The following SON variants were observed in gnomAD, a reference collection of about 807,000 sequenced individuals.
SON encodes SON DNA and RNA binding protein.
Under a neutral mutation model 173.3 loss-of-function variants are expected in SON, and 4 were observed. The observed-to-expected ratio is 0.02, with a 90% CI of 0.01 to 0.05. The LOEUF (loss-of-function observed/expected upper bound fraction) is 0.05, where lower values mean the gene tolerates loss of function less well. Among genes scored for constraint, SON ranks in the 10% least tolerant of loss-of-function variants. The pLI, the probability that SON is intolerant of heterozygous loss-of-function variation, is 1.00. For synonymous variants in SON, 1,190 were observed against 1,105.9 expected (o/e 1.08, Z -1.51); for missense variants, 2,626 against 3,055.3 (o/e 0.86, Z 3.31).
Position 33,546,358 on chromosome 21 carries a change from A to G in SON, c.223A>G (p.Thr75Ala), listed in dbSNP as rs771360849. 4.3e-6 allele frequency: 7 copies of G among 1,610,824 alleles called. No homozygotes were observed. The highest frequency in any genetic ancestry group is 4.5e-5 in the East Asian group (2 of 44,816). Residue 75 changes from threonine (T) to alanine (A), a missense_variant, in exon 2 of 12, where the codon ACA (threonine) becomes GCA (alanine). Thr to Ala is a moderately conservative substitution (Grantham distance 58). This residue lies in a region of SON where 757 missense variants were observed against 730.1 expected (regional missense o/e 1.04). Coordinates refer to ENST00000356577, the MANE Select transcript of SON (RefSeq NM_138927.4). ...GGAAGTACTTTCTGGGGTCTTAGATACAGAACTACGATATAAGCCAGGTAA... is the reference window on the plus strand; with the variant it reads ...GGAAGTACTTTCTGGGGTCTTAGATGCAGAACTACGATATAAGCCAGGTAA... ...IEEVLSGVLD[T>A]ELRYKPDLKE...
chr21:33,574,050 T>C (rs1159375180), intron 9 of SON, among the ~76,000 whole-genome samples: 2 of 152,224 alleles, frequency 1.3e-5, no homozygotes, highest in South Asian at 2.1e-4. Context: ...TTCAGATACC[T>C]GGGCAGGGCA....
chr21:33,565,603 A>G (rs185742412), intron 6 of SON, among the ~76,000 whole-genome samples: 3 of 152,338 alleles, frequency 2.0e-5, no homozygotes, highest in Admixed American at 1.3e-4. Context: ...TAGTGTTTCA[A>G]TCTCACTTTG....
chr21:33,551,640 C>G lies in SON; in HGVS notation c.2409C>G (p.Ser803=). 6.2e-7 allele frequency: 1 copy of G among 1,612,062 alleles called. No individual in the cohort carries two copies. The highest frequency in any genetic ancestry group is 8.5e-7 in the Non-Finnish European group (1 of 1,179,786). Residue 803 remains serine (S), a synonymous_variant, in exon 3 of 12, where the codon TCC becomes TCG. Transcript: ENST00000356577. The stretch of plus-strand genomic sequence containing the variant: ...TGTTAGCAACCAGTTCCATGGACTC[C>G]CAGATGTTAGCAACCAGCTCCATGG... ...SQMLATSSMD[S]QMLATSSMDS...
chr21:33,543,575 T>G, intron 1 of SON: 2 of 257,670 alleles, frequency 7.8e-6, no homozygotes, highest in Non-Finnish European at 1.5e-5. Context: ...CCGGTGCCTA[T>G]GACCGGAAAG....
In SON at chr21:33,553,687, G is replaced by C. The variant is rs965418452; in HGVS notation, c.4456G>C (p.Gly1486Arg). Residue 1486 changes from glycine (G) to arginine (R), a missense_variant, in exon 3 of 12, where the codon GGA becomes CGA. By Grantham distance (125) the Gly-to-Arg change is moderately radical. Around this residue, in one of 13 missense-constraint regions of SON, gnomAD observed 1,006 missense variants for 895.6 expected, o/e 1.12. Coordinates refer to ENST00000356577, the MANE Select transcript of SON (RefSeq NM_138927.4). ...TATCATGTCATCACATGTTATGAAA[G>C]GAATTAATCTATCCTCTGGTGATCA... ...SSIMSSHVMK[G>R]INLSSGDQNL... 5.0e-6 allele frequency: 8 copies of C among 1,613,992 alleles called. No individual in the cohort carries two copies. The highest frequency in any genetic ancestry group is 5.9e-6 in the Non-Finnish European group (7 of 1,180,008).
chr21:33,565,671 T>G (rs951406381), intron 6 of SON, among the ~76,000 whole-genome samples: 1 of 152,248 alleles, frequency 6.6e-6, no homozygotes, highest in Non-Finnish European at 1.5e-5. Flanking sequence ...GATGATTTAC[T>G]TAAATCAACT....
intron 8 of SON, chr21:33,569,758 GGGTGGGCTGTGGTGAAGGGGATGGGAT>G (rs1416215768): frequency 6.3e-6 from 2 of 318,326 alleles, no homozygotes; most frequent in Non-Finnish European, 1.3e-5. Flanking sequence ...GGCTGGAGTG[GGGTGGGCTGTGGTGAAGGGGATGGGAT>G]GGAGATTAAT....
In SON at chr21:33,550,492, T is replaced by G. The variant is rs748335792; in HGVS notation, c.1261T>G (p.Ser421Ala). 6.2e-7 allele frequency: 1 copy of G among 1,612,756 alleles called. No homozygotes were observed. Among genetic ancestry groups the G allele is most frequent in the African/African-American group, 1.3e-5 (1 of 74,644 alleles). Residue 421 changes from serine (S) to alanine (A), a missense_variant, in exon 3 of 12, where the codon TCT becomes GCT. Transcript: ENST00000356577. ...GGTGCCAGAGTTGCCAGGGCCCCTT[T>G]CTACCCCAGTGCCTGAGTTGCCAGG... ...TPVPELPGPL[S>A]TPVPELPGPP... is the part of the protein sequence containing the mutation.
chr21:33,554,466 T>C lies in SON; in HGVS notation c.5235T>C (p.Leu1745=). ...TACTTCCTAAGGACATGGAACGTCT[T>C]ACAAGCCTTAGAGCTGGCATTGAAG... ...RPLLPKDMER[L]TSLRAGIEGP... Residue 1745 remains leucine, a synonymous_variant, in exon 3 of 12, where the codon CTT becomes CTC. Coordinates refer to ENST00000356577, the MANE Select transcript of SON (RefSeq NM_138927.4). The C allele has an allele frequency of 6.2e-7, 1 of 1,614,192 alleles. No homozygotes were observed. The highest frequency in any genetic ancestry group is 8.5e-7 in the Non-Finnish European group (1 of 1,180,034).
At position 33,550,327 on chromosome 21, in the gene SON, A is replaced by C; in HGVS notation, c.1096A>C (p.Lys366Gln). The C allele has an allele frequency of 1.2e-6, 2 of 1,613,924 alleles. No individual in the cohort carries two copies. Among genetic ancestry groups the C allele is most frequent in the East Asian group, 4.5e-5 (2 of 44,844 alleles). Residue 366 changes from lysine (K) to glutamine (Q), a missense_variant, in exon 3 of 12, where the codon AAG (lysine) becomes CAG (glutamine). Transcript: ENST00000356577. ...TRPQELPELP[K>Q]TTALELQESS... is the part of the protein sequence containing the mutation. ...ACCGCAGGAGTTGCCGGAGCTGCCT[A>C]AGACCACAGCGTTGGAGCTGCAGGA...
Position 33,559,778 on chromosome 21 carries a change from A to G in SON, c.6657+3A>G. On this transcript the variant is annotated splice_donor_region_variant and intron_variant, in intron 6 of 11. Coordinates refer to ENST00000356577, the MANE Select transcript of SON (RefSeq NM_138927.4). The surrounding 1 kb of genome is among the most constrained non-coding windows in gnomAD (Gnocchi z 4.1). The stretch of plus-strand genomic sequence containing the variant: ...TCAGCAGCAATTTGCCCTCAGAGGT[A>G]AGTAGGAGGAATATTATGTATTTTT... 1 of 1,613,102 alleles carries G rather than the reference A, an allele frequency of 6.2e-7. No individual in the cohort carries two copies. Among genetic ancestry groups the G allele is most frequent in the Non-Finnish European group, 8.5e-7 (1 of 1,179,522 alleles).
chr21:33,559,528 C>G lies in SON; in HGVS notation c.6469-59C>G, dbSNP rs377163258. 6.6e-7 allele frequency: 1 copy of G among 1,511,792 alleles called. No individual in the cohort carries two copies. The allele number at this position is 1,511,792 out of a possible 1,614,324, so 93.6% of individuals were successfully genotyped here. On this transcript the variant is annotated intron_variant, in intron 5 of 11. Coordinates refer to ENST00000356577, the MANE Select transcript of SON (RefSeq NM_138927.4). This position sits in a 1 kb window ranked among gnomAD's most constrained non-coding sequence, Gnocchi z 4.1. Reference sequence around the variant, plus strand: ...TTCCTTCAGATTATGTAGAAAATCTCAAACCATTTAATGTAGATATCATAT... The same window carrying G: ...TTCCTTCAGATTATGTAGAAAATCTGAAACCATTTAATGTAGATATCATAT...
chr21:33,553,684 A>G lies in SON; in HGVS notation c.4453A>G (p.Lys1485Glu), dbSNP rs776219195. The G allele has an allele frequency of 2.5e-6, 4 of 1,613,932 alleles. No homozygotes were observed. Among genetic ancestry groups the G allele is most frequent in the Non-Finnish European group, 3.4e-6 (4 of 1,180,006 alleles). ...TAGTATCATGTCATCACATGTTATG[A>G]AAGGAATTAATCTATCCTCTGGTGA... ...ESSIMSSHVM[K>E]GINLSSGDQN... The change falls in exon 3 of 12, where the codon AAA becomes GAA. Residue 1485 changes from lysine to glutamate, a missense_variant. Around this residue, in one of 13 missense-constraint regions of SON, gnomAD observed 1,006 missense variants for 895.6 expected, o/e 1.12. Coordinates refer to ENST00000356577, the MANE Select transcript of SON (RefSeq NM_138927.4).
At chr21:33,574,125 G>C (rs1316550073) in intron 9 of SON, among the ~76,000 whole-genome samples, 1 of 152,212 alleles carries the variant, frequency 6.6e-6, no homozygotes, top group Non-Finnish European at 1.5e-5. Context: ...ACAGATGATA[G>C]CTAATTGGCG....
At chr21:33,572,656 T>A (rs1171425046) in intron 8 of SON, 7 of 1,211,922 alleles carry the variant, frequency 5.8e-6, no homozygotes, top group African/African-American at 1.6e-5. Context: ...AGGAGTTTTT[T>A]AAAAGTCTTT....
intron 6 of SON, chr21:33,560,530 G>T: frequency 1.0e-6 from 1 of 995,500 alleles, no homozygotes; most frequent in Non-Finnish European, 1.2e-6. Context: ...ATTAAATAAT[G>T]TGCTGCTAAA....
Position 33,550,519 on chromosome 21 carries a change from C to T in SON, c.1288C>T (p.Pro430Ser), listed in dbSNP as rs2085746010. Residue 430 changes from proline (P) to serine (S), a missense_variant, in exon 3 of 12, where the codon CCC becomes TCC. Coordinates refer to ENST00000356577, the MANE Select transcript of SON (RefSeq NM_138927.4). ...TACCCCAGTGCCTGAGTTGCCAGGG[C>T]CCCCTGCGACAGCAGTGCCTGAGTT... ...LSTPVPELPG[P>S]PATAVPELPG... is the part of the protein sequence containing the mutation. The T allele has an allele frequency of 1.9e-6, 3 of 1,613,694 alleles. No individual in the cohort carries two copies. Among genetic ancestry groups the T allele is most frequent in the Non-Finnish European group, 8.5e-7 (1 of 1,179,894 alleles).
In SON at chr21:33,550,133, A is replaced by G. The variant is rs1488269216; in HGVS notation, c.902A>G (p.Glu301Gly). The G allele has an allele frequency of 6.2e-7, 1 of 1,614,184 alleles. No individual in the cohort carries two copies. Among genetic ancestry groups the G allele is most frequent in the African/African-American group, 1.3e-5 (1 of 75,048 alleles). The change falls in exon 3 of 12, where the codon GAG becomes GGG. Residue 301 changes from glutamate to glycine, a missense_variant. This residue lies in a region of SON where 757 missense variants were observed against 730.1 expected (regional missense o/e 1.04). Coordinates refer to ENST00000356577, the MANE Select transcript of SON (RefSeq NM_138927.4). ...LVEPPVAKVL[E>G]PSETLVVSSE... ...GAGCCCCCAGTAGCAAAAGTGTTAG[A>G]GCCTTCAGAAACCCTTGTGGTATCA...
At chr21:33,574,295 G>T (rs2086350948) in intron 9 of SON, among the ~76,000 whole-genome samples, 1 of 152,176 alleles carries the variant, frequency 6.6e-6, no homozygotes, top group Non-Finnish European at 1.5e-5. Flanking sequence ...ACAGTAAGTT[G>T]AAGCTAACTT....
Sources: allele counts gnomAD v4.1 joint callset (sites outside exome capture counted in the v4.1 genomes callset), GRCh38; gene constraint gnomAD v4.1.1; regional missense constraint gnomAD v4.1.1; non-coding constraint Gnocchi (gnomAD v3.1); transcripts MANE v1.5; gene names NCBI Gene and HGNC (gene_info 2026-07-23, HGNC 2026-07-21).